The following NEGR1 variants were observed in gnomAD, a reference collection of about 807,000 sequenced individuals.
The protein encoded by NEGR1 is IgLON family member 4.
In NEGR1, 10 loss-of-function variants were observed where a neutral mutation model predicts 40.9. The observed-to-expected ratio is 0.24, with a 90% CI of 0.15 to 0.42. The LOEUF (loss-of-function observed/expected upper bound fraction) is 0.42, where lower values mean the gene tolerates loss of function less well. Among genes scored for constraint, NEGR1 ranks in the 10% least tolerant of loss-of-function variants. NEGR1 has a pLI of 1.00. For missense variants in NEGR1, 352 were observed against 438.9 expected, an observed-to-expected ratio of 0.80 and a Z score of 1.77; for synonymous variants, 185 against 166.8, an observed-to-expected ratio of 1.11 and a Z score of -0.84.
At chr1:71,879,088 GCGCC>G (rs1660511767) in intron 2 of NEGR1, among the ~76,000 whole-genome samples, 1 of 151,048 alleles carries the variant, frequency 6.6e-6, no homozygotes, top group African/African-American at 2.4e-5. Context: ...AGCTGAGATC[GCGCC>G]ATTGCACTCC....
chr1:72,074,992 CATAA>C (rs1338055867), intron 1 of NEGR1, among the ~76,000 whole-genome samples: 5 of 152,002 alleles, frequency 3.3e-5, no homozygotes, highest in African/African-American at 1.2e-4. Flanking sequence ...ATTTTAAGGA[CATAA>C]ATAAAGACAA....
At chr1:72,059,154 G>A (rs928057964) in intron 1 of NEGR1, among the ~76,000 whole-genome samples, 1 of 151,562 alleles carries the variant, frequency 6.6e-6, no homozygotes, top group Non-Finnish European at 1.5e-5. Context: ...ATGTGACAAG[G>A]TGTCAACAAA....
chr1:72,110,882 C>A (rs1374356761), intron 1 of NEGR1, among the ~76,000 whole-genome samples: 2 of 151,262 alleles, frequency 1.3e-5, no homozygotes, highest in African/African-American at 4.9e-5. Flanking sequence ...AACTTACATT[C>A]ATAATCAAGA....
chr1:71,871,114 G>A (rs565370032), intron 2 of NEGR1, among the ~76,000 whole-genome samples: 17 of 152,300 alleles, frequency 1.1e-4, no homozygotes, highest in Middle Eastern at 3.4e-3. Flanking sequence ...GTTCTCCATC[G>A]TGTGTTAAGA....
chr1:71,565,773 G>A (rs1216445749), intron 6 of NEGR1, among the ~76,000 whole-genome samples: 17 of 152,148 alleles, frequency 1.1e-4, no homozygotes, highest in Admixed American at 1.1e-3. Flanking sequence ...AGACTAGGTT[G>A]GAGAGGATAA....
chr1:71,504,549 C>T (rs1647020118), intron 6 of NEGR1, among the ~76,000 whole-genome samples: 1 of 152,108 alleles, frequency 6.6e-6, no homozygotes, highest in Non-Finnish European at 1.5e-5. Flanking sequence ...AGGCAATCCC[C>T]CTCACAACCG....
In NEGR1 at chr1:71,907,204, A is replaced by T. The variant is rs562070422; in HGVS notation, c.409+27875T>A. ...GAGATAACTCGTTTAAAGACATGAA[A>T]GTAATTTCTAGGTCTAGCCTCTGTT... On this transcript the variant is annotated intron_variant, in intron 2 of 6. Transcript: ENST00000357731. Among the ~76,000 whole-genome samples the T allele has an allele frequency of 1.9e-3, 290 of 152,260 alleles. 2 individuals are homozygous for T. Among genetic ancestry groups the T allele is most frequent in the African/African-American group, 6.6e-3 (276 of 41,560 alleles).
At chr1:72,081,400 A>C (rs1309918967) in intron 1 of NEGR1, among the ~76,000 whole-genome samples, 2 of 152,120 alleles carry the variant, frequency 1.3e-5, no homozygotes, top group Non-Finnish European at 2.9e-5. Flanking sequence ...ATTATTCCAC[A>C]AAATTTTACA....
chr1:71,577,329 T>G (rs1322083581), intron 6 of NEGR1, among the ~76,000 whole-genome samples: 2 of 152,192 alleles, frequency 1.3e-5, no homozygotes, highest in African/African-American at 4.8e-5. Context: ...CAGAAGTTAT[T>G]TTAAAGAAGT....
rs1321870197 is a variant in NEGR1, at chr1:71,887,743, TTTG to T, written c.409+47333_409+47335del. 3.3e-5 allele frequency among the ~76,000 whole-genome samples: 5 copies of T among 152,260 alleles called. No homozygotes were observed. The South Asian group carries it at 1.0e-3, about 32-fold the overall frequency. On this transcript the variant is annotated intron_variant, in intron 2 of 6. Coordinates refer to ENST00000357731, the MANE Select transcript of NEGR1 (RefSeq NM_173808.3). ...TATAGGACACTGGAACTTATTCTAT[TTTG>T]TTGTTGTTTTTACTGCAATGTTTCT...
chr1:71,971,200 G>A (rs1646253351), intron 1 of NEGR1, among the ~76,000 whole-genome samples: 1 of 152,218 alleles, frequency 6.6e-6, no homozygotes, highest in South Asian at 2.1e-4. Flanking sequence ...TTTCCCAGAG[G>A]TGTCAGTGTT....
In NEGR1 at chr1:71,812,487, T is replaced by C. The variant is rs566673698; in HGVS notation, c.410-36190A>G. On this transcript the variant is annotated intron_variant, in intron 2 of 6. Coordinates refer to ENST00000357731, the MANE Select transcript of NEGR1 (RefSeq NM_173808.3). ...GAAATTGCCACACTGTCTTCCACAATAGTTGAACTAATTTACACTCCCACC... is the reference window on the plus strand; with the variant it reads ...GAAATTGCCACACTGTCTTCCACAACAGTTGAACTAATTTACACTCCCACC... 1.8e-4 allele frequency among the ~76,000 whole-genome samples: 27 copies of C among 152,312 alleles called. No individual in the cohort carries two copies. The South Asian group carries it at 5.0e-3, about 28-fold the overall frequency.
intron 6 of NEGR1, among the ~76,000 whole-genome samples, chr1:71,539,358 T>A (rs1647614921): frequency 6.6e-6 from 1 of 151,748 alleles, no homozygotes; most frequent in African/African-American, 2.4e-5. Context: ...TTTCTATTAA[T>A]CTACTAAACA....
intron 3 of NEGR1, among the ~76,000 whole-genome samples, chr1:71,715,342 G>A (rs570088404): frequency 2.0e-5 from 3 of 152,182 alleles, no homozygotes; most frequent in Non-Finnish European, 2.9e-5. Flanking sequence ...CCCTGGAGAC[G>A]TTTTCCTCAT....
chr1:72,192,861 C>A (rs1191728646), intron 1 of NEGR1, among the ~76,000 whole-genome samples: 1 of 151,848 alleles, frequency 6.6e-6, no homozygotes, highest in Non-Finnish European at 1.5e-5. Flanking sequence ...TTTACAGTTT[C>A]TTTTTCTATG....
rs188635946 is a variant in NEGR1, at chr1:71,766,127, C to T, written c.535+10045G>A. 2.1e-3 allele frequency among the ~76,000 whole-genome samples: 306 copies of T among 145,612 alleles called. 1 individual carries two copies. Among genetic ancestry groups the T allele is most frequent in the African/African-American group, 6.6e-3 (261 of 39,358 alleles). ...AGTGGAGGTTGCAGTGAGCCAAGAT[C>T]GTGCCACTGCACTCCAGCCTGGGCA... On this transcript the variant is annotated intron_variant, in intron 3 of 6. Transcript: ENST00000357731.
At chr1:71,719,788 C>T (rs756260628) in intron 3 of NEGR1, among the ~76,000 whole-genome samples, 31 of 152,060 alleles carry the variant, frequency 2.0e-4, no homozygotes, top group African/African-American at 6.8e-4. Flanking sequence ...GCCCCCACCC[C>T]CTGGCAGGCC....
intron 6 of NEGR1, among the ~76,000 whole-genome samples, chr1:71,538,787 G>T (rs1254314849): frequency 6.6e-6 from 1 of 151,674 alleles, no homozygotes; most frequent in Non-Finnish European, 1.5e-5. Context: ...GAACTTTCAT[G>T]TATTTATAGC....
intron 4 of NEGR1, among the ~76,000 whole-genome samples, chr1:71,613,564 G>T (rs1033143163): frequency 6.6e-6 from 1 of 151,878 alleles, no homozygotes; most frequent in Non-Finnish European, 1.5e-5. Flanking sequence ...GGCTGAAGCA[G>T]GAGAATCGCT....
Sources: allele counts gnomAD v4.1 joint callset (sites outside exome capture counted in the v4.1 genomes callset), GRCh38; gene constraint gnomAD v4.1.1; transcripts MANE v1.5; gene names NCBI Gene and HGNC (gene_info 2026-07-23, HGNC 2026-07-21).